WWOX: variants seen among roughly 807,000 people sequenced by gnomAD.
WWOX encodes the protein WW domain containing oxidoreductase.
Under a neutral mutation model 46.2 loss-of-function variants are expected in WWOX, and 69 were observed. The observed-to-expected ratio is 1.49, with a 90% CI of 1.23 to 1.82. The LOEUF (loss-of-function observed/expected upper bound fraction) is 1.82. WWOX is among the 40% of genes most tolerant of loss of function. The pLI is 0.00. For missense variants in WWOX, 919 were observed against 542.6 expected, an observed-to-expected ratio of 1.69 and a Z score of -6.89; for synonymous variants, 359 against 202.6, an observed-to-expected ratio of 1.77 and a Z score of -6.56.
At chr16:78,988,726 T>A (rs1277737126) in intron 8 of WWOX, among the ~76,000 whole-genome samples, 4 of 152,160 alleles carry the variant, frequency 2.6e-5, no homozygotes, top group Non-Finnish European at 5.9e-5. Context: ...AATGGGAGAT[T>A]CCTGCATAGC....
chr16:79,015,170 A>G (rs2047388010), intron 8 of WWOX, among the ~76,000 whole-genome samples: 1 of 152,120 alleles, frequency 6.6e-6, no homozygotes, highest in African/African-American at 2.4e-5. Flanking sequence ...GAGTTTCTGC[A>G]GTGTTCTAGG....
intron 8 of WWOX, among the ~76,000 whole-genome samples, chr16:78,761,229 C>A (rs1273519434): frequency 7.2e-5 from 11 of 152,090 alleles, no homozygotes; most frequent in Admixed American, 7.2e-4. Context: ...CTTTTCTGGA[C>A]TAGGTTTGTA....
chr16:78,770,307 C>T (rs1162159993), intron 8 of WWOX, among the ~76,000 whole-genome samples: 1 of 152,032 alleles, frequency 6.6e-6, no homozygotes, highest in African/African-American at 2.4e-5. Flanking sequence ...GCTTAGATTG[C>T]ACCACTGTAC....
intron 2 of WWOX, 72 bp downstream of exon 2, chr16:78,108,559 G>A (rs2032299911): frequency 1.9e-6 from 3 of 1,556,054 alleles, no homozygotes; most frequent in Admixed American, 1.7e-5. Flanking sequence ...TGGCAGAGAG[G>A]TGACAGGTTA....
At chr16:78,377,243 G>C (rs1405048493) in intron 5 of WWOX, among the ~76,000 whole-genome samples, 1 of 152,202 alleles carries the variant, frequency 6.6e-6, no homozygotes, top group East Asian at 1.9e-4. Flanking sequence ...TGCAGTACTT[G>C]CATAAGATAT....
At chr16:78,725,825 G>C (rs956449367) in intron 8 of WWOX, among the ~76,000 whole-genome samples, 2 of 151,966 alleles carry the variant, frequency 1.3e-5, no homozygotes, top group Non-Finnish European at 2.9e-5. Context: ...GCGGTGCTTG[G>C]TGTTCCTTGG....
intron 8 of WWOX, among the ~76,000 whole-genome samples, chr16:78,583,950 G>C (rs1370288928): frequency 6.6e-6 from 1 of 152,208 alleles, no homozygotes; most frequent in African/African-American, 2.4e-5. Context: ...AAGGTCCCCA[G>C]CCTCCTTGCT....
At chr16:79,108,996 C>A (rs889880410) in intron 8 of WWOX, among the ~76,000 whole-genome samples, 4 of 151,896 alleles carry the variant, frequency 2.6e-5, no homozygotes, top group Non-Finnish European at 4.4e-5. Context: ...TTCTCCCCAT[C>A]AGCCTGGCAT....
intron 8 of WWOX, among the ~76,000 whole-genome samples, chr16:78,660,730 G>A (rs982154608): frequency 2.0e-5 from 3 of 152,144 alleles, no homozygotes; most frequent in African/African-American, 7.2e-5. Flanking sequence ...AAAAGAGGCA[G>A]CCATCATTAA....
chr16:78,959,215 A>C (rs1346515265), intron 8 of WWOX, among the ~76,000 whole-genome samples: 1 of 152,202 alleles, frequency 6.6e-6, no homozygotes, highest in African/African-American at 2.4e-5. Context: ...CTCATTACTG[A>C]GAAATTATGT....
intron 8 of WWOX, among the ~76,000 whole-genome samples, chr16:78,866,238 G>T (rs981284480): frequency 6.6e-6 from 1 of 151,970 alleles, no homozygotes; most frequent in Non-Finnish European, 1.5e-5. Flanking sequence ...ATAAATCAGA[G>T]CCCGCAGTTT....
chr16:79,183,388 C>G (rs1234834790), intron 8 of WWOX, among the ~76,000 whole-genome samples: 2 of 152,188 alleles, frequency 1.3e-5, no homozygotes, highest in African/African-American at 2.4e-5. Context: ...AGCCACCGTG[C>G]TATGAAATGC....
intron 8 of WWOX, among the ~76,000 whole-genome samples, chr16:78,702,144 G>T (rs2048238396): frequency 7.9e-6 from 1 of 126,470 alleles, no homozygotes; most frequent in Non-Finnish European, 1.5e-5. Flanking sequence ...TCAAGACATG[G>T]TGGCATGCAA....
intron 8 of WWOX, among the ~76,000 whole-genome samples, chr16:79,153,380 C>G (rs1452525734): frequency 1.3e-5 from 2 of 152,152 alleles, no homozygotes; most frequent in South Asian, 4.1e-4. Context: ...GAGCCCTCCT[C>G]TGCTGTGGGT....
chr16:78,650,826 C>T (rs1247067844), intron 8 of WWOX, among the ~76,000 whole-genome samples: 1 of 151,934 alleles, frequency 6.6e-6, no homozygotes, highest in Non-Finnish European at 1.5e-5. Flanking sequence ...TGGATTTTTG[C>T]CAGCCAGCCA....
At chr16:78,825,637 G>C (rs1354367207) in intron 8 of WWOX, 2 of 516,230 alleles carry the variant, frequency 3.9e-6, no homozygotes, top group Non-Finnish European at 7.7e-6. Flanking sequence ...GCCTGCGATG[G>C]TGGGCTGTGG....
intron 8 of WWOX, among the ~76,000 whole-genome samples, chr16:78,443,338 C>T (rs1223988749): frequency 6.6e-6 from 1 of 151,914 alleles, no homozygotes; most frequent in South Asian, 2.1e-4. Context: ...ACTATATGTG[C>T]AAGCCTCAGG....
chr16:79,025,734 G>C (rs2047625140), intron 8 of WWOX, among the ~76,000 whole-genome samples: 1 of 151,180 alleles, frequency 6.6e-6, no homozygotes, highest in African/African-American at 2.4e-5. Context: ...TTTCTCCATG[G>C]CCTTTCTGAT....
intron 8 of WWOX, among the ~76,000 whole-genome samples, chr16:78,597,782 A>T (rs1282477354): frequency 7.7e-6 from 1 of 129,674 alleles, no homozygotes; most frequent in South Asian, 2.2e-4. Flanking sequence ...ATATATATAA[A>T]ATATATTTCC....
Sources: allele counts gnomAD v4.1 joint callset (sites outside exome capture counted in the v4.1 genomes callset), GRCh38; gene constraint gnomAD v4.1.1; transcripts MANE v1.5; gene names NCBI Gene and HGNC (gene_info 2026-07-23, HGNC 2026-07-21).